Variants in DNAJC3 observed in about 807,000 individuals in gnomAD.
The protein encoded by DNAJC3 is DnaJ heat shock protein family (Hsp40) member C3.
DNAJC3 carries 38 observed loss-of-function variants against 68.6 expected under a neutral mutation model. The observed-to-expected ratio is 0.55, with a 90% CI of 0.43 to 0.73. DNAJC3 has a LOEUF of 0.73. DNAJC3 is among the 30% of genes least tolerant of loss of function. The pLI is 0.00. For synonymous variants in DNAJC3, 203 were observed against 204.0 expected (o/e 1.00, Z 0.04); for missense variants, 526 against 591.9 (o/e 0.89, Z 1.16).
chr13:95,701,556 C>T (rs1273327442), intron 1 of DNAJC3, among the ~76,000 whole-genome samples: 2 of 152,122 alleles, frequency 1.3e-5, no homozygotes, highest in Non-Finnish European at 2.9e-5. Flanking sequence ...GATGGTATTC[C>T]GCTGAAGTTT....
intron 4 of DNAJC3, among the ~76,000 whole-genome samples, chr13:95,734,773 C>T (rs1413999420): frequency 6.7e-6 from 1 of 148,218 alleles, no homozygotes; most frequent in Non-Finnish European, 1.5e-5. Context: ...TCTTCAAGTT[C>T]TGAAATTGTT....
At chr13:95,756,652 A>G (rs570744126) in intron 4 of DNAJC3, among the ~76,000 whole-genome samples, 66 of 152,290 alleles carry the variant, frequency 4.3e-4, no homozygotes, top group African/African-American at 1.4e-3. Flanking sequence ...TCTAGAATTA[A>G]CTTTCCCTTG....
Position 95,790,856 on chromosome 13 carries a change from T to A in DNAJC3, c.1358-17T>A, listed in dbSNP as rs373859861. ...CTTAGATATTATCTGGTTCTTAATT[T>A]TCTGATTTCTTTCTAGAAATGAGAA... On this transcript the variant is annotated splice_polypyrimidine_tract_variant and intron_variant, in intron 11 of 11. Transcript: ENST00000602402. The A allele has an allele frequency of 5.0e-6, 8 of 1,606,938 alleles. No individual in the cohort carries two copies. Among genetic ancestry groups the A allele is most frequent in the Non-Finnish European group, 6.8e-6 (8 of 1,178,530 alleles).
At chr13:95,760,538 T>G in intron 6 of DNAJC3, 141 bp from the exon 7 acceptor site, 1 of 1,069,198 alleles carries the variant, frequency 9.4e-7, no homozygotes, top group Non-Finnish European at 1.3e-6. Context: ...CACGTATAAA[T>G]GTATATAGTA....
intron 1 of DNAJC3, among the ~76,000 whole-genome samples, chr13:95,682,509 C>A (rs1215026736): frequency 6.6e-6 from 1 of 152,106 alleles, no homozygotes; most frequent in Non-Finnish European, 1.5e-5. Context: ...TTCTGCTCTC[C>A]AAAATATAAG....
intron 1 of DNAJC3, among the ~76,000 whole-genome samples, chr13:95,702,305 T>C (rs976112427): frequency 6.6e-6 from 1 of 152,222 alleles, no homozygotes; most frequent in Non-Finnish European, 1.5e-5. Context: ...TCTTCTGTAA[T>C]GTCCTTCAGC....
At chr13:95,760,827 G>T in intron 7 of DNAJC3, 29 bp downstream of exon 7, 1 of 1,602,772 alleles carries the variant, frequency 6.2e-7, no homozygotes, top group African/African-American at 1.3e-5. Context: ...CAACTGTCCA[G>T]CCATTCCTTA....
intron 9 of DNAJC3, among the ~76,000 whole-genome samples, chr13:95,767,270 A>T (rs1883017974): frequency 6.6e-6 from 1 of 152,186 alleles, no homozygotes; most frequent in African/African-American, 2.4e-5. Context: ...TGGGAATCAT[A>T]TACTGTTTGT....
chr13:95,781,592 C>T (rs572065717), intron 9 of DNAJC3, among the ~76,000 whole-genome samples: 2 of 152,220 alleles, frequency 1.3e-5, no homozygotes, highest in African/African-American at 4.8e-5. Flanking sequence ...GCTTACGTCT[C>T]CCATCCTAAG....
intron 4 of DNAJC3, among the ~76,000 whole-genome samples, chr13:95,742,061 G>A (rs1430677453): frequency 1.3e-5 from 2 of 152,312 alleles, no homozygotes; most frequent in African/African-American, 4.8e-5. Context: ...GTAAGGCGGG[G>A]ATTTTTTCAG....
rs574896646 is a variant in DNAJC3 at position 95,730,449 on chromosome 13, G to A, written c.393+5197G>A. Among the ~76,000 whole-genome samples the A allele has an allele frequency of 3.3e-5, 5 of 152,182 alleles. No homozygotes were observed. In the South Asian group the frequency reaches 8.3e-4, roughly 25 times the overall value. On this transcript the variant is annotated intron_variant, in intron 4 of 11. Transcript: ENST00000602402. Reference sequence around the variant, plus strand: ...GTAGCTTTATAGTTTTAGGTCTTACGTTTAAGTCTTTAAGGCGTTTGTGTT... The same window carrying A: ...GTAGCTTTATAGTTTTAGGTCTTACATTTAAGTCTTTAAGGCGTTTGTGTT...
In DNAJC3 at chr13:95,726,904, A is replaced by T. The variant is rs192317724; in HGVS notation, c.393+1652A>T. On this transcript the variant is annotated intron_variant, in intron 4 of 11. Transcript: ENST00000602402. ...TGTCACAATACTCTGTCATCTGTGG[A>T]TAAATCCAAAAACATTAGATTTAAT... is the stretch of plus-strand genomic sequence containing the variant. 7.9e-5 allele frequency among the ~76,000 whole-genome samples: 12 copies of T among 152,368 alleles called. No individual in the cohort carries two copies. In the South Asian group the frequency reaches 2.5e-3, roughly 32 times the overall value.
rs534345911 is a variant in DNAJC3 at position 95,680,095 on chromosome 13, A to G, written c.82+2758A>G. On this transcript the variant is annotated intron_variant, in intron 1 of 11. Transcript: ENST00000602402. ...ATGAGATCGAATTTTTGGAATAGAA[A>G]GAAAACTTTAGTAGTATCTGCTTTA... Among the ~76,000 whole-genome samples, 38 of 152,342 alleles carry G rather than the reference A, an allele frequency of 2.5e-4. 1 individual carries two copies. The East Asian group carries it at 7.1e-3, about 29-fold the overall frequency.
intron 1 of DNAJC3, among the ~76,000 whole-genome samples, chr13:95,700,928 A>G (rs934700218): frequency 7.2e-5 from 11 of 152,186 alleles, no homozygotes; most frequent in African/African-American, 2.7e-4. Flanking sequence ...GCTCCAGAAT[A>G]ATTATGTCAT....
intron 1 of DNAJC3, among the ~76,000 whole-genome samples, chr13:95,699,765 A>G (rs887253374): frequency 6.6e-6 from 1 of 152,234 alleles, no homozygotes; most frequent in Non-Finnish European, 1.5e-5. Context: ...TTTCCAGCAC[A>G]TAGTAGATTG....
chr13:95,785,825 G>A, intron 9 of DNAJC3, 114 bp from the exon 10 acceptor site: 2 of 986,380 alleles, frequency 2.0e-6, no homozygotes, highest in South Asian at 4.4e-5. Flanking sequence ...GGCAATAATG[G>A]CCAAAGAGTG....
intron 9 of DNAJC3, 39 bp from the exon 10 acceptor site, chr13:95,785,900 A>C: frequency 6.6e-7 from 1 of 1,522,066 alleles, no homozygotes; most frequent in South Asian, 1.3e-5. Context: ...ATAAATTATA[A>C]TTTGCCTTAA....
intron 4 of DNAJC3, among the ~76,000 whole-genome samples, chr13:95,750,866 A>G (rs1295180064): frequency 1.3e-5 from 2 of 152,150 alleles, no homozygotes; most frequent in Non-Finnish European, 2.9e-5. Flanking sequence ...CATGGGTAGT[A>G]TTCTTAGTAC....
chr13:95,722,067 T>A (rs1385478878), intron 2 of DNAJC3, among the ~76,000 whole-genome samples: 1 of 152,144 alleles, frequency 6.6e-6, no homozygotes, highest in African/African-American at 2.4e-5. Flanking sequence ...GTTTTAGAAT[T>A]CTTTATATGC....
Sources: gnomAD v4.1 joint callset for allele counts (sites outside exome capture counted in the v4.1 genomes callset) on GRCh38, gnomAD v4.1.1 for gene constraint, MANE v1.5 for transcripts, NCBI Gene and HGNC (gene_info 2026-07-23, HGNC 2026-07-21) for gene names.